Variants in GRIK4 observed in about 807,000 individuals in gnomAD.
GRIK4 encodes glutamate receptor ionotropic, kainate 4.
Under a neutral mutation model 104.9 loss-of-function variants are expected in GRIK4, and 40 were observed. The ratio of observed to expected loss-of-function variants is 0.38; its 90% CI spans 0.30 to 0.50. The LOEUF (loss-of-function observed/expected upper bound fraction) is 0.50. GRIK4 is among the 20% of genes least tolerant of loss of function. The pLI, the probability that GRIK4 is intolerant of heterozygous loss-of-function variation, is 0.93. For missense variants in GRIK4, 1,047 were observed against 1,308.1 expected, an observed-to-expected ratio of 0.80 and a Z score of 3.08; for synonymous variants, 485 against 524.9, an observed-to-expected ratio of 0.92 and a Z score of 1.04.
chr11:120,752,814 G>A (rs1951580253), intron 3 of GRIK4, among the ~76,000 whole-genome samples: 1 of 152,198 alleles, frequency 6.6e-6, no homozygotes, highest in Non-Finnish European at 1.5e-5. Flanking sequence ...GCACAGCTGA[G>A]GCATGAAGCA....
At chr11:120,847,734 T>C (rs1176068176) in intron 8 of GRIK4, among the ~76,000 whole-genome samples, 2 of 152,248 alleles carry the variant, frequency 1.3e-5, no homozygotes, top group Non-Finnish European at 2.9e-5. Context: ...TACTATCCTA[T>C]GTAAGGCAGG....
intron 11 of GRIK4, 88 bp from the exon 12 acceptor site, chr11:120,898,444 C>T (rs542658394): frequency 2.7e-6 from 2 of 752,738 alleles, no homozygotes; most frequent in Admixed American, 1.9e-5. Flanking sequence ...TCACATGCAG[C>T]CCAGCCAGAG....
rs548082928 is a variant in GRIK4, at chr11:120,948,207, A to T, written c.1591-4648A>T. 2.0e-5 allele frequency among the ~76,000 whole-genome samples: 3 copies of T among 152,306 alleles called. No homozygotes were observed. In the South Asian group the frequency reaches 6.2e-4, roughly 32 times the overall value. ...CCTCTTCAGCCCTGGACAGTGTGTG[A>T]TTGACCATTGGGCACTGCTGGGAGT... On this transcript the variant is annotated intron_variant, in intron 14 of 20. Transcript: ENST00000527524.
intron 1 of GRIK4, among the ~76,000 whole-genome samples, chr11:120,553,953 C>T (rs1360199657): frequency 1.3e-5 from 2 of 152,046 alleles, no homozygotes; most frequent in African/African-American, 2.4e-5. Flanking sequence ...TGAGACTTGG[C>T]AGGATTTAAA....
intron 4 of GRIK4, among the ~76,000 whole-genome samples, chr11:120,808,409 G>A (rs1952759915): frequency 6.6e-6 from 1 of 152,218 alleles, no homozygotes; most frequent in South Asian, 2.1e-4. Context: ...TTGTTGTAGA[G>A]ATTCAGGTGG....
At chr11:120,645,555 T>C (rs1949531975) in intron 1 of GRIK4, among the ~76,000 whole-genome samples, 1 of 152,140 alleles carries the variant, frequency 6.6e-6, no homozygotes, top group Admixed American at 6.5e-5. Context: ...CTTCCTATGG[T>C]TGGATCACCC....
chr11:120,633,436 G>C (rs140988792), intron 1 of GRIK4, among the ~76,000 whole-genome samples: 36 of 152,238 alleles, frequency 2.4e-4, no homozygotes, highest in African/African-American at 8.7e-4. Context: ...TTCTGTGCAC[G>C]TGAGCACATG....
At chr11:120,932,579 A>G (rs1432916696) in intron 13 of GRIK4, among the ~76,000 whole-genome samples, 1 of 152,166 alleles carries the variant, frequency 6.6e-6, no homozygotes, top group Admixed American at 6.5e-5. Context: ...TTGGAATTCC[A>G]TAAGCCTTTT....
rs545379840 is a variant in GRIK4 at position 120,513,967 on chromosome 11, T to A, written c.-159+2080T>A. On this transcript the variant is annotated intron_variant, in intron 1 of 20. Coordinates refer to ENST00000527524, the MANE Select transcript of GRIK4 (RefSeq NM_014619.5). This position sits in a 1 kb window ranked among gnomAD's most constrained non-coding sequence, Gnocchi z 4.5. ...CCTTAGGATGGAGAGGGAACTTTAG[T>A]ACCGGGAGAGAGGCAGAGACTCTAG... Among the ~76,000 whole-genome samples, 2 of 152,258 alleles carry A rather than the reference T, an allele frequency of 1.3e-5. No individual in the cohort carries two copies. The highest frequency in any genetic ancestry group is 3.9e-4 in the East Asian group (2 of 5,176).
At chr11:120,701,453 A>G (rs563910915) in intron 3 of GRIK4, among the ~76,000 whole-genome samples, 4 of 152,170 alleles carry the variant, frequency 2.6e-5, no homozygotes, top group Admixed American at 2.6e-4. Context: ...AAATGGCAGG[A>G]TCTCCTTTTT....
intron 13 of GRIK4, among the ~76,000 whole-genome samples, chr11:120,929,503 A>C (rs1202645051): frequency 6.6e-6 from 1 of 152,196 alleles, no homozygotes; most frequent in African/African-American, 2.4e-5. Flanking sequence ...AAAGACAGGA[A>C]GTGAGCAGAT....
At chr11:120,630,416 G>C (rs985397633) in intron 1 of GRIK4, among the ~76,000 whole-genome samples, 1 of 152,240 alleles carries the variant, frequency 6.6e-6, no homozygotes, top group African/African-American at 2.4e-5. Flanking sequence ...ACGTGCTCCT[G>C]GCAGCCCACT....
chr11:120,951,606 A>G (rs1398078524), intron 14 of GRIK4, among the ~76,000 whole-genome samples: 3 of 152,224 alleles, frequency 2.0e-5, no homozygotes. Flanking sequence ...GATTTCTGGC[A>G]TCATAGAATC....
Position 120,815,399 on chromosome 11 carries a change from G to A in GRIK4, c.269G>A (p.Gly90Glu), listed in dbSNP as rs867196863. Residue 90 changes from glycine to glutamate, a missense_variant, in exon 5 of 21, where the codon GGG (glycine) becomes GAG (glutamate). By Grantham distance (98) the Gly-to-Glu change is moderately conservative. Coordinates refer to ENST00000527524, the MANE Select transcript of GRIK4 (RefSeq NM_014619.5). ...AETMCQILPKGVVAVLGPSSS... is the reference protein window; with the variant it reads ...AETMCQILPKEVVAVLGPSSS... ...GCAGTGTGTCAGATCCTCCCCAAGGGGGTGGTCGCTGTCCTCGGACCATCG... is the reference window on the plus strand; with the variant it reads ...GCAGTGTGTCAGATCCTCCCCAAGGAGGTGGTCGCTGTCCTCGGACCATCG... 6.5e-7 allele frequency: 1 copy of A among 1,549,722 alleles called. No homozygotes were observed. Among genetic ancestry groups the A allele is most frequent in the Non-Finnish European group, 8.7e-7 (1 of 1,145,336 alleles).
chr11:120,637,616 A>G lies in GRIK4; in HGVS notation c.-158-16069A>G, dbSNP rs957595419. Reference sequence around the variant, plus strand: ...GTGGGGTGCAGTTGCTGTGTTTCCAAAGTAAATATTACTTCTTAGAGAAGA... The same window carrying G: ...GTGGGGTGCAGTTGCTGTGTTTCCAGAGTAAATATTACTTCTTAGAGAAGA... On this transcript the variant is annotated intron_variant, in intron 1 of 20. Coordinates refer to ENST00000527524, the MANE Select transcript of GRIK4 (RefSeq NM_014619.5). Among the ~76,000 whole-genome samples the G allele has an allele frequency of 5.3e-5, 8 of 152,292 alleles. No homozygotes were observed. The East Asian group carries it at 1.2e-3, about 22-fold the overall frequency.
chr11:120,651,623 C>T (rs970604489), intron 1 of GRIK4, among the ~76,000 whole-genome samples: 4 of 152,126 alleles, frequency 2.6e-5, no homozygotes, highest in South Asian at 2.1e-4. Flanking sequence ...TGGTCAGTGC[C>T]GCCACTGCTC....
At chr11:120,808,851 G>A (rs181580845) in intron 4 of GRIK4, among the ~76,000 whole-genome samples, 3 of 152,262 alleles carry the variant, frequency 2.0e-5, no homozygotes, top group Non-Finnish European at 2.9e-5. Flanking sequence ...GTGCTTCCGT[G>A]TGAAGGACTC....
At chr11:120,778,286 T>C (rs1348183385) in intron 3 of GRIK4, among the ~76,000 whole-genome samples, 7 of 152,194 alleles carry the variant, frequency 4.6e-5, no homozygotes, top group African/African-American at 1.4e-4. Context: ...AAAAGTGTCT[T>C]TGAGAGACAG....
intron 3 of GRIK4, among the ~76,000 whole-genome samples, chr11:120,710,230 A>G (rs184040147): frequency 2.2e-4 from 34 of 152,300 alleles, no homozygotes; most frequent in African/African-American, 8.2e-4. Flanking sequence ...TCTGTACAGT[A>G]AGGAGATTGA....
Sources: gnomAD v4.1 joint callset for allele counts (sites outside exome capture counted in the v4.1 genomes callset) on GRCh38, gnomAD v4.1.1 for gene constraint, Gnocchi (gnomAD v3.1) non-coding constraint, MANE v1.5 for transcripts, NCBI Gene and HGNC (gene_info 2026-07-23, HGNC 2026-07-21) for gene names.